The following PTPN9 variants were observed in gnomAD, a reference collection of about 807,000 sequenced individuals.
PTPN9 encodes protein tyrosine phosphatase non-receptor type 9, also known as tyrosine-protein phosphatase non-receptor type 9.
A neutral mutation model predicts 69.8 loss-of-function variants in PTPN9; 26 were observed. The observed-to-expected ratio is 0.37, with a 90% CI of 0.27 to 0.52. PTPN9 has a LOEUF of 0.52. Among genes scored for constraint, PTPN9 ranks in the 20% least tolerant of loss-of-function variants. The probability of loss-of-function intolerance (pLI) is 0.91; values close to 1 mark genes in which losing one functional copy is unlikely to be tolerated. For missense variants in PTPN9, 549 were observed against 740.3 expected, an observed-to-expected ratio of 0.74 and a Z score of 3.00; for synonymous variants, 274 against 272.5, an observed-to-expected ratio of 1.01 and a Z score of -0.05.
intron 1 of PTPN9, 68 bp downstream of exon 1, chr15:75,578,646 G>A: frequency 4.1e-6 from 5 of 1,212,002 alleles, no homozygotes; most frequent in Admixed American, 4.2e-5. Context: ...CGGCACTCGG[G>A]AGGCAGAGGC....
intron 1 of PTPN9, among the ~76,000 whole-genome samples, chr15:75,544,109 A>AAAT (rs1412102609): frequency 1.3e-5 from 2 of 152,348 alleles, no homozygotes; most frequent in African/African-American, 4.8e-5. Flanking sequence ...ACAACAGAGG[A>AAAT]AATAGGTAAA....
chr15:75,530,214 A>G (rs542040379), intron 1 of PTPN9, among the ~76,000 whole-genome samples: 152 of 144,382 alleles, frequency 1.1e-3, no homozygotes, highest in South Asian at 3.2e-3. Flanking sequence ...AAAAAAAAAA[A>G]AAAAGAAAAG....
chr15:75,574,890 C>T (rs1395375188), intron 1 of PTPN9, among the ~76,000 whole-genome samples: 3 of 137,800 alleles, frequency 2.2e-5, no homozygotes, highest in Admixed American at 1.6e-4. Context: ...TGCAATGAGC[C>T]AAGATCACGC....
intron 1 of PTPN9, among the ~76,000 whole-genome samples, chr15:75,537,886 C>T (rs1226778116): frequency 1.3e-5 from 2 of 151,538 alleles, no homozygotes; most frequent in Non-Finnish European, 2.9e-5. Context: ...TAGTGAAACC[C>T]TGTCTCTTCT....
At chr15:75,539,443 A>G (rs2074998979) in intron 1 of PTPN9, among the ~76,000 whole-genome samples, 1 of 150,626 alleles carries the variant, frequency 6.6e-6, no homozygotes, top group Non-Finnish European at 1.5e-5. Context: ...CCTCCCAAGA[A>G]GCTGGGATTA....
At chr15:75,480,817 G>C (rs1486668725) in intron 8 of PTPN9, 1 of 536,542 alleles carries the variant, frequency 1.9e-6, no homozygotes, top group Non-Finnish European at 2.7e-6. Context: ...GGGCCCCGCG[G>C]GGCCCGAGGG....
At chr15:75,494,969 A>T (rs531076001) in intron 7 of PTPN9, among the ~76,000 whole-genome samples, 6 of 152,072 alleles carry the variant, frequency 3.9e-5, no homozygotes, top group Admixed American at 3.9e-4. Flanking sequence ...GGTTGCGGTG[A>T]GCTGAGATTG....
chr15:75,566,616 T>G (rs1208551305), intron 1 of PTPN9, among the ~76,000 whole-genome samples: 1 of 151,574 alleles, frequency 6.6e-6, no homozygotes, highest in Admixed American at 6.6e-5. Flanking sequence ...GAGGCGGAGG[T>G]TGCAGTGAGC....
intron 1 of PTPN9, among the ~76,000 whole-genome samples, chr15:75,530,550 A>C (rs186749071): frequency 0.018 from 480 of 26,912 alleles, 14 homozygotes; most frequent in Middle Eastern, 0.024. Context: ...TTATATTATA[A>C]TATATTATAT....
At chr15:75,518,466 TAA>T (rs111475133) in intron 4 of PTPN9, among the ~76,000 whole-genome samples, 29 of 128,208 alleles carry the variant, frequency 2.3e-4, no homozygotes, top group Non-Finnish European at 2.8e-4. Flanking sequence ...TGACTCTATT[TAA>T]AAAAAAAAAA....
At chr15:75,521,315 G>C (rs566162599) in intron 4 of PTPN9, among the ~76,000 whole-genome samples, 173 of 151,470 alleles carry the variant, frequency 1.1e-3, no homozygotes, top group African/African-American at 4.1e-3. Context: ...AAACGGGCGT[G>C]GTGGCAGGCG....
At chr15:75,543,888 G>A (rs947504979) in intron 1 of PTPN9, among the ~76,000 whole-genome samples, 3 of 150,998 alleles carry the variant, frequency 2.0e-5, no homozygotes, top group Non-Finnish European at 4.4e-5. Context: ...ATGAGTTAGG[G>A]AGCTCTACAC....
intron 8 of PTPN9, 30 bp from the exon 9 acceptor site, chr15:75,479,944 C>T: frequency 6.7e-7 from 1 of 1,483,080 alleles, no homozygotes; most frequent in Non-Finnish European, 9.3e-7. Context: ...ATCACTATAG[C>T]TACACAGAAT....
intron 1 of PTPN9, among the ~76,000 whole-genome samples, chr15:75,566,020 GA>G (rs1265980870): frequency 3.1e-4 from 47 of 152,066 alleles, no homozygotes; most frequent in Non-Finnish European, 6.3e-4. Flanking sequence ...ATCTGAAAAA[GA>G]AAAGTTTCCT....
Position 75,505,966 on chromosome 15 carries a change from A to G in PTPN9, c.677T>C (p.Leu226Pro). The change falls in exon 7 of 13, where the codon CTG (leucine) becomes CCG (proline). Residue 226 changes from leucine to proline, a missense_variant. Physicochemically the swap from Leu to Pro is moderately conservative, Grantham distance 98. Around this residue, in one of 3 missense-constraint regions of PTPN9, gnomAD observed 457 missense variants for 661.9 expected, o/e 0.69. Coordinates refer to ENST00000618819, the MANE Select transcript of PTPN9 (RefSeq NM_002833.4). ...ILKTSEVTQH[L>P]PRECLPENLG... ...GTTTTCTGGAAGACACTCCCTGGGC[A>G]GATGCTGCGTGACCTCAGATGTCTT... is the stretch of plus-strand genomic sequence containing the variant. 6.2e-7 allele frequency: 1 copy of G among 1,613,974 alleles called. No homozygotes were observed. The highest frequency in any genetic ancestry group is 8.5e-7 in the Non-Finnish European group (1 of 1,179,824).
chr15:75,560,035 G>T (rs538730944), intron 1 of PTPN9, among the ~76,000 whole-genome samples: 1 of 151,984 alleles, frequency 6.6e-6, no homozygotes, highest in South Asian at 2.1e-4. Flanking sequence ...AGCTACTCAG[G>T]AGGCTGAGGC....
chr15:75,560,019 A>G (rs1247971603), intron 1 of PTPN9, among the ~76,000 whole-genome samples: 1 of 151,934 alleles, frequency 6.6e-6, no homozygotes, highest in Admixed American at 6.6e-5. Flanking sequence ...ATGTGCCTGT[A>G]ATCCCAGCTA....
At chr15:75,505,321 G>A (rs953349512) in intron 7 of PTPN9, among the ~76,000 whole-genome samples, 11 of 149,558 alleles carry the variant, frequency 7.4e-5, no homozygotes, top group East Asian at 3.9e-4. Flanking sequence ...CAAACACTGC[G>A]GAAGGCCGCA....
chr15:75,512,355 C>A (rs1014762860), intron 5 of PTPN9, among the ~76,000 whole-genome samples: 1 of 152,006 alleles, frequency 6.6e-6, no homozygotes, highest in African/African-American at 2.4e-5. Context: ...GCACACACCA[C>A]CACATGCAGC....
Sources: gnomAD v4.1 joint callset for allele counts (sites outside exome capture counted in the v4.1 genomes callset) on GRCh38, gnomAD v4.1.1 for gene constraint, gnomAD v4.1.1 regional missense constraint, MANE v1.5 for transcripts, NCBI Gene and HGNC (gene_info 2026-07-23, HGNC 2026-07-21) for gene names.